NKAIN3: variants seen among roughly 807,000 people sequenced by gnomAD.
The protein encoded by NKAIN3 is sodium/potassium transporting ATPase interacting 3, also known as sodium/potassium-transporting ATPase subunit beta-1-interacting protein 3.
A neutral mutation model predicts 30.2 loss-of-function variants in NKAIN3; 25 were observed. The ratio of observed to expected loss-of-function variants is 0.83; its 90% CI spans 0.60 to 1.16. The LOEUF (loss-of-function observed/expected upper bound fraction) is 1.16. Ranked by LOEUF, NKAIN3 falls within the 50% of genes most tolerant of loss-of-function variation. The pLI is 0.00. For synonymous variants in NKAIN3, 91 were observed against 89.6 expected (o/e 1.02, Z -0.09); for missense variants, 225 against 254.1 (o/e 0.89, Z 0.78).
Position 62,369,940 on chromosome 8 carries a change from C to T in NKAIN3, c.54+120813C>T, listed in dbSNP as rs186786588. On this transcript the variant is annotated intron_variant, in intron 1 of 6. Coordinates refer to ENST00000623646, the MANE Select transcript of NKAIN3 (RefSeq NM_001304533.3). ...GATAGAAAAAAAAAGTCTTAAAGAA[C>T]TTTGAGATTAATGCCTTACAAAGTA... Among the ~76,000 whole-genome samples the T allele has an allele frequency of 7.2e-5, 11 of 152,070 alleles. No homozygotes were observed. In the East Asian group the frequency reaches 2.1e-3, roughly 29 times the overall value.
intron 4 of NKAIN3, among the ~76,000 whole-genome samples, chr8:62,893,548 C>T (rs1821349960): frequency 6.6e-6 from 1 of 152,096 alleles, no homozygotes; most frequent in African/African-American, 2.4e-5. Flanking sequence ...AGACTAAGGA[C>T]ACCAGTGTGT....
chr8:62,724,738 T>A (rs1009320945), intron 3 of NKAIN3, among the ~76,000 whole-genome samples: 1 of 152,158 alleles, frequency 6.6e-6, no homozygotes, highest in African/African-American at 2.4e-5. Context: ...TGAATAGTTC[T>A]CAATTGTGTA....
At chr8:62,747,615 A>G (rs1816125032) in intron 4 of NKAIN3, among the ~76,000 whole-genome samples, 1 of 152,214 alleles carries the variant, frequency 6.6e-6, no homozygotes, top group African/African-American at 2.4e-5. Flanking sequence ...GCATCAGAAT[A>G]CAATTCCATA....
At chr8:62,346,486 A>AT (rs1816011342) in intron 1 of NKAIN3, among the ~76,000 whole-genome samples, 2 of 152,194 alleles carry the variant, frequency 1.3e-5, no homozygotes, top group African/African-American at 2.4e-5. Flanking sequence ...AGCAAATCCT[A>AT]TTTTTTGCAT....
chr8:62,516,443 A>C (rs1409081001), intron 1 of NKAIN3, among the ~76,000 whole-genome samples: 1 of 152,074 alleles, frequency 6.6e-6, no homozygotes, highest in East Asian at 1.9e-4. Flanking sequence ...ATGTGTGTTC[A>C]TATATGGTAA....
At chr8:62,378,902 C>T (rs1470501052) in intron 1 of NKAIN3, among the ~76,000 whole-genome samples, 3 of 152,292 alleles carry the variant, frequency 2.0e-5, no homozygotes, top group African/African-American at 4.8e-5. Context: ...CCATCATCCT[C>T]CAGAGCCCAG....
rs183658225 is a variant in NKAIN3 at position 62,348,053 on chromosome 8, G to A, written c.54+98926G>A. 3.3e-3 allele frequency among the ~76,000 whole-genome samples: 498 copies of A among 152,066 alleles called. 4 individuals carry two copies. Among genetic ancestry groups the A allele is most frequent in the Non-Finnish European group, 3.5e-3 (240 of 67,958 alleles). ...TTTTTTATTGTTTTATTTATTATCA[G>A]TATTTTATTGTTCATAAATATGCTA... On this transcript the variant is annotated intron_variant, in intron 1 of 6. Transcript: ENST00000623646.
Position 62,289,358 on chromosome 8 carries a change from G to C in NKAIN3, c.54+40231G>C, listed in dbSNP as rs1444676681. ...ATGGTATTGCCTAGGTTTTCTTCTAGGGTTTTTCTGGTTTTAGGTCTAACA... is the reference window on the plus strand; with the variant it reads ...ATGGTATTGCCTAGGTTTTCTTCTACGGTTTTTCTGGTTTTAGGTCTAACA... On this transcript the variant is annotated intron_variant, in intron 1 of 6. Coordinates refer to ENST00000623646, the MANE Select transcript of NKAIN3 (RefSeq NM_001304533.3). Among the ~76,000 whole-genome samples the C allele has an allele frequency of 3.3e-5, 5 of 152,254 alleles. No homozygotes were observed. In the South Asian group the frequency reaches 1.0e-3, roughly 32 times the overall value.
At position 62,863,633 on chromosome 8, in the gene NKAIN3, T is replaced by C. The variant is rs1470108798; in HGVS notation, c.472-54820T>C. The stretch of plus-strand genomic sequence containing the variant: ...AACGAGCTGGATCACCATGTCTTTG[T>C]TTGGGTCACTGGGATAACTTTCTCG... On this transcript the variant is annotated intron_variant, in intron 4 of 6. Coordinates refer to ENST00000623646, the MANE Select transcript of NKAIN3 (RefSeq NM_001304533.3). 12 of 1,230,030 alleles carry C rather than the reference T, an allele frequency of 9.8e-6. No homozygotes were observed. The East Asian group carries it at 1.2e-4, about 12-fold the overall frequency. The allele number at this position is 1,230,030 out of a possible 1,614,324, so 76.2% of individuals were successfully genotyped here.
chr8:62,657,659 C>T (rs1268028933), intron 3 of NKAIN3, among the ~76,000 whole-genome samples: 1 of 152,108 alleles, frequency 6.6e-6, no homozygotes, highest in Non-Finnish European at 1.5e-5. Flanking sequence ...AATAGTCTCA[C>T]GCATGCAGTG....
intron 1 of NKAIN3, among the ~76,000 whole-genome samples, chr8:62,352,544 G>A (rs1816214979): frequency 6.6e-6 from 1 of 152,154 alleles, no homozygotes; most frequent in Admixed American, 6.5e-5. Context: ...CAGAGGCTCT[G>A]GAGGATTCTT....
chr8:62,436,155 T>G (rs1435131812), intron 1 of NKAIN3, among the ~76,000 whole-genome samples: 1 of 152,226 alleles, frequency 6.6e-6, no homozygotes, highest in Non-Finnish European at 1.5e-5. Flanking sequence ...ATTATATATC[T>G]TACAGGTCTC....
intron 4 of NKAIN3, among the ~76,000 whole-genome samples, chr8:62,794,469 G>A (rs1196158084): frequency 2.6e-5 from 4 of 152,144 alleles, no homozygotes; most frequent in Admixed American, 6.6e-5. Flanking sequence ...TTCTGAAGCG[G>A]CTCTCTGGAA....
At chr8:62,660,393 G>C (rs564981739) in intron 3 of NKAIN3, among the ~76,000 whole-genome samples, 11 of 152,094 alleles carry the variant, frequency 7.2e-5, no homozygotes, top group Non-Finnish European at 1.5e-4. Context: ...TAAGTATATG[G>C]ATAGAGATGA....
rs184268086 is a variant in NKAIN3, at chr8:62,624,060, T to C, written c.273+34266T>C. Among the ~76,000 whole-genome samples the C allele has an allele frequency of 1.4e-4, 22 of 152,218 alleles. No homozygotes were observed. The East Asian group carries it at 4.3e-3, about 29-fold the overall frequency. ...ATGTTGCCATGGCATTTGTAAACTG[T>C]CATGGTGCTGGTAGGAGTATCCTTT... On this transcript the variant is annotated intron_variant, in intron 3 of 6. Transcript: ENST00000623646.
chr8:62,907,954 A>C (rs1274315131), intron 4 of NKAIN3, among the ~76,000 whole-genome samples: 1 of 152,146 alleles, frequency 6.6e-6, no homozygotes, highest in African/African-American at 2.4e-5. Flanking sequence ...CAGACCCCAG[A>C]ATGGTAGATC....
intron 3 of NKAIN3, among the ~76,000 whole-genome samples, chr8:62,711,810 T>A (rs1814729830): frequency 6.6e-6 from 1 of 152,194 alleles, no homozygotes; most frequent in African/African-American, 2.4e-5. Context: ...GAGCGTTAAA[T>A]AGCCTTGTTT....
intron 1 of NKAIN3, among the ~76,000 whole-genome samples, chr8:62,250,478 T>C (rs963297997): frequency 6.6e-6 from 1 of 152,202 alleles, no homozygotes; most frequent in Non-Finnish European, 1.5e-5. Context: ...TTTCTTTCAC[T>C]AAGAAAAGAA....
chr8:62,834,011 G>A (rs181472698), intron 4 of NKAIN3, among the ~76,000 whole-genome samples: 13 of 152,176 alleles, frequency 8.5e-5, no homozygotes, highest in African/African-American at 2.4e-4. Flanking sequence ...GGGATGCAAG[G>A]TTGGTTCAAC....
Sources: allele counts gnomAD v4.1 joint callset (sites outside exome capture counted in the v4.1 genomes callset), GRCh38; gene constraint gnomAD v4.1.1; transcripts MANE v1.5; gene names NCBI Gene and HGNC (gene_info 2026-07-23, HGNC 2026-07-21).